Variants in CELF4 observed in about 807,000 individuals in gnomAD.
CELF4 encodes the protein CUGBP Elav-like family member 4.
Under a neutral mutation model 59.9 loss-of-function variants are expected in CELF4, and 18 were observed. The observed-to-expected ratio is 0.30, with a 90% CI of 0.21 to 0.45. The LOEUF is 0.45. Among genes scored for constraint, CELF4 ranks in the 20% least tolerant of loss-of-function variants. The probability of loss-of-function intolerance (pLI) is 1.00; values close to 1 mark genes in which losing one functional copy is unlikely to be tolerated. For missense variants in CELF4, 456 were observed against 689.0 expected, an observed-to-expected ratio of 0.66 and a Z score of 3.79; for synonymous variants, 261 against 267.1, an observed-to-expected ratio of 0.98 and a Z score of 0.22.
At chr18:37,562,888 T>C (rs2099986986) in intron 1 of CELF4, among the ~76,000 whole-genome samples, 1 of 152,074 alleles carries the variant, frequency 6.6e-6, no homozygotes, top group African/African-American at 2.4e-5. Flanking sequence ...GAAGTTTCAC[T>C]GGGAAAAATA....
At chr18:37,558,304 G>T (rs1437935212) in intron 1 of CELF4, among the ~76,000 whole-genome samples, 3 of 151,888 alleles carry the variant, frequency 2.0e-5, no homozygotes, top group African/African-American at 4.8e-5. Context: ...AACTTGATGG[G>T]TGGAGATGGA....
intron 2 of CELF4, among the ~76,000 whole-genome samples, chr18:37,442,280 T>C (rs1192533629): frequency 1.3e-5 from 2 of 152,178 alleles, no homozygotes; most frequent in Non-Finnish European, 2.9e-5. Context: ...TCCACCTGCT[T>C]GCCAAGTCGT....
At chr18:37,313,097 C>T (rs184557437) in intron 3 of CELF4, among the ~76,000 whole-genome samples, 15 of 152,306 alleles carry the variant, frequency 9.8e-5, no homozygotes, top group Admixed American at 2.0e-4. Context: ...AGTCACTGGA[C>T]GCCTTCTCTC....
chr18:37,287,776 T>C (rs769768937), intron 3 of CELF4, among the ~76,000 whole-genome samples: 4 of 152,182 alleles, frequency 2.6e-5, no homozygotes, highest in Non-Finnish European at 5.9e-5. Flanking sequence ...GACATAGAGA[T>C]GGATGGATGG....
rs755259461 is a variant in CELF4, at chr18:37,565,345, G to A, written c.286+11C>T. On this transcript the variant is annotated intron_variant, in intron 1 of 12. Transcript: ENST00000420428. ...CTCCCCGGCAAAGTTGGGAGGGAAAGGTGTACTCACCTTTGTGCATGCCTG... is the reference window on the plus strand; with the variant it reads ...CTCCCCGGCAAAGTTGGGAGGGAAAAGTGTACTCACCTTTGTGCATGCCTG... 6.7e-6 allele frequency: 10 copies of A among 1,484,798 alleles called. No homozygotes were observed. Among genetic ancestry groups the A allele is most frequent in the Non-Finnish European group, 8.1e-6 (9 of 1,111,528 alleles). 92.0% of individuals were successfully genotyped at this position (1,484,798 alleles called of 1,614,324 possible).
intron 3 of CELF4, among the ~76,000 whole-genome samples, chr18:37,303,627 T>C: frequency 6.6e-6 from 1 of 152,102 alleles, no homozygotes; most frequent in Non-Finnish European, 1.5e-5. Flanking sequence ...CGTCCTCCTT[T>C]TTAGAGCCAC....
At chr18:37,248,303 CTCTT>C (rs969969750) in intron 12 of CELF4, among the ~76,000 whole-genome samples, 1 of 152,246 alleles carries the variant, frequency 6.6e-6, no homozygotes, top group African/African-American at 2.4e-5. Context: ...TTGCCTTACC[CTCTT>C]TCTTTGCTCA....
At chr18:37,388,413 C>A (rs2099122273) in intron 2 of CELF4, among the ~76,000 whole-genome samples, 1 of 151,772 alleles carries the variant, frequency 6.6e-6, no homozygotes, top group Non-Finnish European at 1.5e-5. Flanking sequence ...CTTCCCTCCT[C>A]CTTCTCCTCC....
intron 2 of CELF4, among the ~76,000 whole-genome samples, chr18:37,465,521 G>T (rs2099805626): frequency 6.6e-6 from 1 of 152,226 alleles, no homozygotes; most frequent in African/African-American, 2.4e-5. Flanking sequence ...GCAACCCTCA[G>T]AGAGCTGAGG....
At chr18:37,362,341 G>A (rs916510223) in intron 2 of CELF4, among the ~76,000 whole-genome samples, 1 of 152,192 alleles carries the variant, frequency 6.6e-6, no homozygotes, top group African/African-American at 2.4e-5. Context: ...GGTTGCGGAC[G>A]CATCACTCCC....
intron 1 of CELF4, among the ~76,000 whole-genome samples, chr18:37,519,956 G>A (rs1450225204): frequency 6.6e-6 from 1 of 152,190 alleles, no homozygotes; most frequent in African/African-American, 2.4e-5. Flanking sequence ...GGGGTTCCTT[G>A]TTAAGACCTG....
chr18:37,391,968 A>G (rs1267910529), intron 2 of CELF4, among the ~76,000 whole-genome samples: 13 of 152,232 alleles, frequency 8.5e-5, no homozygotes, highest in Non-Finnish European at 1.8e-4. Context: ...AATTGGTCCC[A>G]GGGTGGCTTT....
intron 2 of CELF4, among the ~76,000 whole-genome samples, chr18:37,406,111 T>C (rs998656031): frequency 6.6e-6 from 1 of 152,140 alleles, no homozygotes; most frequent in South Asian, 2.1e-4. Context: ...AGTTGTTTCA[T>C]AGGGTGTTTG....
intron 10 of CELF4, 120 bp from the exon 11 acceptor site, chr18:37,259,384 A>T: frequency 6.8e-6 from 2 of 296,296 alleles, no homozygotes. Context: ...CAAGGTTAGG[A>T]GGGGGAGTCT....
intron 2 of CELF4, among the ~76,000 whole-genome samples, chr18:37,470,720 A>G (rs1892879612): frequency 6.6e-6 from 1 of 152,048 alleles, no homozygotes; most frequent in Admixed American, 6.6e-5. Flanking sequence ...TTTTCTGACA[A>G]TGCTGGACAA....
chr18:37,268,183 C>T (rs1017999593), intron 8 of CELF4, among the ~76,000 whole-genome samples: 33 of 152,110 alleles, frequency 2.2e-4, no homozygotes, highest in Admixed American at 2.0e-3. Context: ...GGGCTCTGCT[C>T]AGATGGGGGG....
intron 2 of CELF4, among the ~76,000 whole-genome samples, chr18:37,413,547 A>G (rs1425439280): frequency 1.3e-5 from 2 of 152,162 alleles, no homozygotes; most frequent in African/African-American, 2.4e-5. Context: ...TGTGACATGT[A>G]TTTTGGGCAT....
In CELF4 at chr18:37,314,302, A is replaced by C. The variant is rs537862362; in HGVS notation, c.448+7501T>G. On this transcript the variant is annotated intron_variant, in intron 3 of 12. Transcript: ENST00000420428. Reference sequence around the variant, plus strand: ...TATCTACTAAAAATACACACACACAAAAATTTGCTGGGCATGGTGGCGGGC... The same window carrying C: ...TATCTACTAAAAATACACACACACACAAATTTGCTGGGCATGGTGGCGGGC... 6.3e-4 allele frequency among the ~76,000 whole-genome samples: 96 copies of C among 152,146 alleles called. 1 individual carries two copies. The highest frequency in any genetic ancestry group is 2.0e-3 in the African/African-American group (85 of 41,518).
chr18:37,290,109 G>A (rs1345204498), intron 3 of CELF4, among the ~76,000 whole-genome samples: 2 of 152,190 alleles, frequency 1.3e-5, no homozygotes, highest in Non-Finnish European at 2.9e-5. Context: ...TGGTGTCTGG[G>A]AGGTGAGTGA....
Sources: allele counts gnomAD v4.1 joint callset (sites outside exome capture counted in the v4.1 genomes callset), GRCh38; gene constraint gnomAD v4.1.1; transcripts MANE v1.5; gene names NCBI Gene and HGNC (gene_info 2026-07-23, HGNC 2026-07-21).